The following MCPH1 variants were observed in gnomAD, a reference collection of about 807,000 sequenced individuals.
MCPH1 encodes the protein microcephalin 1.
Under a neutral mutation model 84.5 loss-of-function variants are expected in MCPH1, and 104 were observed. The observed-to-expected ratio is 1.23, with a 90% CI of 1.05 to 1.45. The LOEUF (loss-of-function observed/expected upper bound fraction) is 1.45. Among genes scored for constraint, MCPH1 ranks in the 40% most tolerant of loss-of-function variants. The probability of loss-of-function intolerance (pLI) is 0.00; values close to 1 mark genes in which losing one functional copy is unlikely to be tolerated. For synonymous variants in MCPH1, 514 were observed against 366.8 expected (o/e 1.40, Z -4.58); for missense variants, 1,498 against 1,005.7 (o/e 1.49, Z -6.62).
chr8:6,432,354 T>G (rs1050019807), intron 4 of MCPH1, among the ~76,000 whole-genome samples: 4 of 152,264 alleles, frequency 2.6e-5, no homozygotes, highest in African/African-American at 9.6e-5. Flanking sequence ...ACTGTATTTT[T>G]TTTTAATTTG....
Position 6,527,623 on chromosome 8 carries a change from C to G in MCPH1, c.2214+27694C>G, listed in dbSNP as rs139251288. ...AAATCTGTTTTTCCAATTTGTTTGT[C>G]GAGAGGGAGTGTTCCAAGAGCTGAA... On this transcript the variant is annotated intron_variant, in intron 12 of 13. Transcript: ENST00000344683. 1.2e-4 allele frequency: 196 copies of G among 1,613,794 alleles called. No homozygotes were observed. In the African/African-American group the frequency reaches 2.3e-3, roughly 19 times the overall value.
At chr8:6,613,052 G>T (rs1254162288) in intron 12 of MCPH1, among the ~76,000 whole-genome samples, 1 of 152,242 alleles carries the variant, frequency 6.6e-6, no homozygotes, top group East Asian at 1.9e-4. Context: ...GAGGCATGGG[G>T]TTGGCCTGCT....
rs1413286781 is a variant in MCPH1 at position 6,431,595 on chromosome 8, A to G, written c.321+9A>G. The G allele has an allele frequency of 1.9e-6, 3 of 1,540,602 alleles. No homozygotes were observed. The East Asian group carries it at 6.7e-5, about 35-fold the overall frequency. On this transcript the variant is annotated intron_variant, in intron 4 of 13. Coordinates refer to ENST00000344683, the MANE Select transcript of MCPH1 (RefSeq NM_024596.5). Reference sequence around the variant, plus strand: ...GCCTAATTAAAAAAAAAGTAAGTACATGATTTCAATGTAGATAATGGCAAT... The same window carrying G: ...GCCTAATTAAAAAAAAAGTAAGTACGTGATTTCAATGTAGATAATGGCAAT...
intron 12 of MCPH1, among the ~76,000 whole-genome samples, chr8:6,530,439 G>A (rs1486993368): frequency 6.6e-6 from 1 of 150,508 alleles, no homozygotes; most frequent in Non-Finnish European, 1.5e-5. Context: ...AACCCGGGAG[G>A]TGGAGGTTGC....
At chr8:6,431,938 A>G (rs1396936680) in intron 4 of MCPH1, among the ~76,000 whole-genome samples, 2 of 152,234 alleles carry the variant, frequency 1.3e-5, no homozygotes, top group Admixed American at 6.5e-5. Context: ...ATAAATCTCA[A>G]AAGTCCGATG....
intron 3 of MCPH1, among the ~76,000 whole-genome samples, chr8:6,415,461 C>G (rs1019189357): frequency 4.6e-5 from 7 of 151,966 alleles, no homozygotes; most frequent in Non-Finnish European, 1.0e-4. Flanking sequence ...TCAAGTGATT[C>G]TCCTGCTTCT....
At position 6,604,093 on chromosome 8, in the gene MCPH1, GCCT is replaced by G. The variant is rs71517607; in HGVS notation, c.2215-17359_2215-17357del. On this transcript the variant is annotated intron_variant, in intron 12 of 13. Coordinates refer to ENST00000344683, the MANE Select transcript of MCPH1 (RefSeq NM_024596.5). ...AGGAAACAGGCACACTCTGCTGGTG[GCCT>G]CTGGATGGGGACTGGAGCCTGATCT... Among the ~76,000 whole-genome samples the G allele has an allele frequency of 1.3e-4, 20 of 151,888 alleles. No individual in the cohort carries two copies. In the East Asian group the frequency reaches 3.5e-3, roughly 27 times the overall value.
intron 12 of MCPH1, among the ~76,000 whole-genome samples, chr8:6,609,131 A>G (rs184842321): frequency 5.9e-5 from 9 of 152,016 alleles, no homozygotes; most frequent in East Asian, 5.8e-4. Flanking sequence ...ACCATTTTTT[A>G]AGGATGAAAT....
chr8:6,422,751 C>T (rs374711860), intron 3 of MCPH1, among the ~76,000 whole-genome samples: 19 of 152,260 alleles, frequency 1.2e-4, no homozygotes, highest in African/African-American at 3.6e-4. Flanking sequence ...TGCAGTGGTG[C>T]GATCTCGGCT....
intron 12 of MCPH1, among the ~76,000 whole-genome samples, chr8:6,557,530 AG>A (rs547737606): frequency 8.5e-5 from 13 of 152,290 alleles, no homozygotes; most frequent in African/African-American, 3.1e-4. Context: ...TTCAAGCCAA[AG>A]GAGGATGTAG....
intron 2 of MCPH1, among the ~76,000 whole-genome samples, chr8:6,412,742 C>T (rs953991135): frequency 2.0e-5 from 3 of 152,180 alleles, no homozygotes; most frequent in African/African-American, 7.2e-5. Context: ...CTCTAGGTGT[C>T]AGTCTTAATC....
At chr8:6,444,065 C>G (rs762119161) in intron 7 of MCPH1, among the ~76,000 whole-genome samples, 8 of 152,152 alleles carry the variant, frequency 5.3e-5, no homozygotes, top group Non-Finnish European at 1.2e-4. Context: ...AATTATTGAT[C>G]TCCTGGAAAA....
rs1266859155 is a variant in MCPH1, at chr8:6,505,361, G to A, written c.2214+5432G>A. On this transcript the variant is annotated intron_variant, in intron 12 of 13. Transcript: ENST00000344683. ...AAGAATATATATATTCTTTCTATAT[G>A]TATATAGAATATATATATTCTTTCT... 2.3e-3 allele frequency among the ~76,000 whole-genome samples: 93 copies of A among 40,676 alleles called. 4 individuals carry two copies. The highest frequency in any genetic ancestry group is 0.013 in the Admixed American group (53 of 4,038). 26.7% of individuals were successfully genotyped at this position (40,676 alleles called of 152,430 possible). A position where few individuals can be genotyped will look rare whatever the true frequency, so the allele number is the denominator to read the frequency against.
chr8:6,605,999 GTAA>G, intron 12 of MCPH1, among the ~76,000 whole-genome samples: 1 of 152,248 alleles, frequency 6.6e-6, no homozygotes, highest in Non-Finnish European at 1.5e-5. Context: ...GCCTGGCTTT[GTAA>G]AAAATTTTTA....
intron 12 of MCPH1, among the ~76,000 whole-genome samples, chr8:6,530,204 T>C (rs528944717): frequency 1.3e-5 from 2 of 152,086 alleles, no homozygotes; most frequent in African/African-American, 4.8e-5. Flanking sequence ...GTTGGTGCAA[T>C]TTTGCCATTG....
At chr8:6,420,180 T>A (rs1799964057) in intron 3 of MCPH1, among the ~76,000 whole-genome samples, 1 of 152,078 alleles carries the variant, frequency 6.6e-6, no homozygotes, top group Non-Finnish European at 1.5e-5. Context: ...CCCCCAGAAC[T>A]GATGTTTTTC....
At chr8:6,480,389 G>A (rs1012025791) in intron 10 of MCPH1, among the ~76,000 whole-genome samples, 5 of 151,920 alleles carry the variant, frequency 3.3e-5, no homozygotes, top group African/African-American at 1.2e-4. Context: ...AAAGTGCCGG[G>A]ATTACAGGTG....
At chr8:6,521,522 A>C (rs1817334111) in intron 12 of MCPH1, 3 of 790,956 alleles carry the variant, frequency 3.8e-6, no homozygotes, top group Non-Finnish European at 5.8e-6. Flanking sequence ...AGTGGTTATA[A>C]AGTAATATGA....
chr8:6,447,008 G>A, intron 8 of MCPH1: 1 of 54,162 alleles, frequency 1.8e-5, no homozygotes, highest in Non-Finnish European at 4.3e-5. Context: ...CATCAGGCAG[G>A]GGTGTCCAGG....
Sources: allele counts gnomAD v4.1 joint callset (sites outside exome capture counted in the v4.1 genomes callset), GRCh38; gene constraint gnomAD v4.1.1; transcripts MANE v1.5; gene names NCBI Gene and HGNC (gene_info 2026-07-23, HGNC 2026-07-21).